SAMD7: variants seen among roughly 807,000 people sequenced by gnomAD.
The protein encoded by SAMD7 is sterile alpha motif domain containing 7, also known as sterile alpha motif domain-containing protein 7.
SAMD7 carries 34 observed loss-of-function variants against 36.7 expected under a neutral mutation model. The ratio of observed to expected loss-of-function variants is 0.93; its 90% CI spans 0.71 to 1.23. SAMD7 has a LOEUF of 1.23. SAMD7 is among the 50% of genes most tolerant of loss of function. SAMD7 has a pLI of 0.00. For synonymous variants in SAMD7, 188 were observed against 189.7 expected (o/e 0.99, Z 0.07); for missense variants, 570 against 546.6 (o/e 1.04, Z -0.43).
At chr3:169,914,828 T>A (rs1394171410) in intron 1 of SAMD7, among the ~76,000 whole-genome samples, 1 of 152,184 alleles carries the variant, frequency 6.6e-6, no homozygotes, top group Non-Finnish European at 1.5e-5. Context: ...CATATAGATA[T>A]GCCTAAGCCT....
chr3:169,919,473 G>T lies in SAMD7; in HGVS notation c.-26G>T. ...TTCTTTTTAGAACTCCATTAGTGGCGAGAGATATTGAAGACAAACCCGGTG... is the reference window on the plus strand; with the variant it reads ...TTCTTTTTAGAACTCCATTAGTGGCTAGAGATATTGAAGACAAACCCGGTG... On this transcript the variant is annotated 5_prime_UTR_variant, in exon 3 of 9. Transcript: ENST00000335556. 3 of 1,587,448 alleles carry T rather than the reference G, an allele frequency of 1.9e-6. No individual in the cohort carries two copies. Among genetic ancestry groups the T allele is most frequent in the Non-Finnish European group, 2.6e-6 (3 of 1,155,676 alleles).
intron 8 of SAMD7, among the ~76,000 whole-genome samples, chr3:169,937,909 T>C (rs1713780847): frequency 6.6e-6 from 1 of 152,202 alleles, no homozygotes; most frequent in Non-Finnish European, 1.5e-5. Context: ...AAAGTGGTCC[T>C]TTTAATATGT....
intron 7 of SAMD7, among the ~76,000 whole-genome samples, chr3:169,933,982 G>A (rs1469640781): frequency 6.6e-6 from 1 of 152,234 alleles, no homozygotes; most frequent in South Asian, 2.1e-4. Flanking sequence ...ATTTCCAGGT[G>A]AGGGCCAGAG....
In SAMD7 at chr3:169,911,691, C is replaced by A. The variant is rs1050164352; in HGVS notation, c.-247C>A. The A allele has an allele frequency of 1.6e-4, 24 of 152,178 alleles. No individual in the cohort carries two copies. The highest frequency in any genetic ancestry group is 5.3e-4 in the African/African-American group (22 of 41,444). 9.4% of individuals were successfully genotyped at this position (152,178 alleles called of 1,614,324 possible). The stretch of plus-strand genomic sequence containing the variant: ...AAAGCAAGGTTAAACTGAATTAAGA[C>A]CATTTTTGAAAGAATTGTCAGATGT... On this transcript the variant is annotated 5_prime_UTR_variant, in exon 1 of 9. Coordinates refer to ENST00000335556, the MANE Select transcript of SAMD7 (RefSeq NM_001304366.2).
At chr3:169,922,878 A>G (rs1576830294) in intron 4 of SAMD7, among the ~76,000 whole-genome samples, 1 of 152,224 alleles carries the variant, frequency 6.6e-6, no homozygotes, top group Admixed American at 6.5e-5. Flanking sequence ...AACTGTGTCA[A>G]GTGTGCCATC....
At position 169,932,337 on chromosome 3, in the gene SAMD7, C is replaced by A. The variant is rs967911276; in HGVS notation, c.1041+3759C>A. 1.3e-5 allele frequency: 9 copies of A among 688,090 alleles called. No homozygotes were observed. The Middle Eastern group carries it at 9.6e-4, about 73-fold the overall frequency. The allele number at this position is 688,090 out of a possible 1,614,324, so 42.6% of individuals were successfully genotyped here. A position where few individuals can be genotyped will look rare whatever the true frequency, so the allele number is the denominator to read the frequency against. The stretch of plus-strand genomic sequence containing the variant: ...GTTATAAAGGGACACAGCTGAAAGC[C>A]TTACTGATCCTTGAAAGGGAACAGA... On this transcript the variant is annotated intron_variant, in intron 7 of 8. Coordinates refer to ENST00000335556, the MANE Select transcript of SAMD7 (RefSeq NM_001304366.2).
chr3:169,927,105 G>A lies in SAMD7; in HGVS notation c.843G>A (p.Glu281=). ...KAKAWDDGKE[E]ASEQIFATCD... ...AGGCCTGGGACGATGGGAAAGAGGA[G>A]GCTTCGGAGCAGATTTTTGCAACCT... The change falls in exon 6 of 9, where the codon GAG becomes GAA. Residue 281 remains glutamate, a synonymous_variant. Coordinates refer to ENST00000335556, the MANE Select transcript of SAMD7 (RefSeq NM_001304366.2). 3 of 1,590,308 alleles carry A rather than the reference G, an allele frequency of 1.9e-6. No homozygotes were observed. Among genetic ancestry groups the A allele is most frequent in the South Asian group, 2.3e-5 (2 of 87,956 alleles).
intron 5 of SAMD7, among the ~76,000 whole-genome samples, 188 bp downstream of exon 5, chr3:169,925,324 G>A (rs1713213828): frequency 6.6e-6 from 1 of 151,758 alleles, no homozygotes; most frequent in African/African-American, 2.4e-5. Context: ...CTATGGGGTA[G>A]CCATTCTCTA....
intron 1 of SAMD7, among the ~76,000 whole-genome samples, chr3:169,913,282 G>A (rs1258977917): frequency 6.6e-6 from 1 of 152,054 alleles, no homozygotes; most frequent in Non-Finnish European, 1.5e-5. Flanking sequence ...GTCAAATATA[G>A]GGTTTTCCAA....
At chr3:169,918,675 G>A (rs1011980489) in intron 2 of SAMD7, among the ~76,000 whole-genome samples, 1 of 152,232 alleles carries the variant, frequency 6.6e-6, no homozygotes, top group East Asian at 1.9e-4. Flanking sequence ...ATACAGTCTC[G>A]TGCAGTCTGT....
At position 169,917,150 on chromosome 3, in the gene SAMD7, C is replaced by G. The variant is rs564847298; in HGVS notation, c.-42+1709C>G. ...AAGGTGATGTTAGGTGATCCATGGACTTGGATTTCCAATTTGATTAGTGGG... is the reference window on the plus strand; with the variant it reads ...AAGGTGATGTTAGGTGATCCATGGAGTTGGATTTCCAATTTGATTAGTGGG... On this transcript the variant is annotated intron_variant, in intron 2 of 8. Coordinates refer to ENST00000335556, the MANE Select transcript of SAMD7 (RefSeq NM_001304366.2). 3.3e-5 allele frequency among the ~76,000 whole-genome samples: 5 copies of G among 152,334 alleles called. No individual in the cohort carries two copies. In the East Asian group the frequency reaches 9.6e-4, roughly 29 times the overall value.
chr3:169,926,784 G>A lies in SAMD7; in HGVS notation c.522G>A (p.Glu174=), dbSNP rs775170068. 2 of 1,613,894 alleles carry A rather than the reference G, an allele frequency of 1.2e-6. No individual in the cohort carries two copies. Among genetic ancestry groups the A allele is most frequent in the Non-Finnish European group, 1.7e-6 (2 of 1,179,972 alleles). Residue 174 remains glutamate, a synonymous_variant, in exon 6 of 9, where the codon GAG becomes GAA. Transcript: ENST00000335556. ...PMLAATAPHF[E]ESWGQRCRRL... is the part of the protein sequence containing the mutation. ...TAGCGGCAACTGCACCACACTTTGA[G>A]GAGAGCTGGGGGCAGAGATGTCGTC...
chr3:169,925,684 C>G (rs1713229893), intron 5 of SAMD7, among the ~76,000 whole-genome samples: 1 of 152,174 alleles, frequency 6.6e-6, no homozygotes, highest in Non-Finnish European at 1.5e-5. Context: ...CGAGATTGCA[C>G]CACTGTGCTC....
intron 1 of SAMD7, 44 bp downstream of exon 1, chr3:169,911,865 C>G (rs2108251814): frequency 6.6e-6 from 1 of 152,246 alleles, no homozygotes; most frequent in East Asian, 1.9e-4. Context: ...AAATTGAGGC[C>G]AGTTACTCTG....
At chr3:169,915,970 C>T (rs1484177456) in intron 2 of SAMD7, among the ~76,000 whole-genome samples, 1 of 152,150 alleles carries the variant, frequency 6.6e-6, no homozygotes, top group Admixed American at 6.5e-5. Flanking sequence ...TGAGTTTTGG[C>T]ATACGCATAA....
rs368721168 is a variant in SAMD7, at chr3:169,936,305, T to G, written c.1042-34T>G. The G allele has an allele frequency of 3.0e-6, 4 of 1,333,682 alleles. No individual in the cohort carries two copies. The African/African-American group carries it at 5.8e-5, about 19-fold the overall frequency. 82.6% of individuals were successfully genotyped at this position (1,333,682 alleles called of 1,614,324 possible). ...AAAGAACTTTTTCAAAAAAAGACAT[T>G]CAGACAGAGTTAACACCTTTTGTAT... On this transcript the variant is annotated intron_variant, in intron 7 of 8. Coordinates refer to ENST00000335556, the MANE Select transcript of SAMD7 (RefSeq NM_001304366.2).
At chr3:169,920,596 G>T (rs116332627) in intron 3 of SAMD7, among the ~76,000 whole-genome samples, 2,559 of 152,278 alleles carry the variant, frequency 0.017, 73 homozygotes, top group African/African-American at 0.058. Flanking sequence ...CGTGAAGAAA[G>T]AATTATTTCT....
intron 7 of SAMD7, chr3:169,932,995 A>G: frequency 1.4e-6 from 1 of 728,230 alleles, no homozygotes; most frequent in Non-Finnish European, 2.6e-6. Context: ...CCCCTCTATC[A>G]GTGTGGCATC....
chr3:169,917,503 G>A (rs1165796452), intron 2 of SAMD7, among the ~76,000 whole-genome samples: 1 of 151,954 alleles, frequency 6.6e-6, no homozygotes, highest in East Asian at 1.9e-4. Flanking sequence ...ATTTTGATAT[G>A]GGAATACAGT....
Sources: allele counts gnomAD v4.1 joint callset (sites outside exome capture counted in the v4.1 genomes callset), GRCh38; gene constraint gnomAD v4.1.1; transcripts MANE v1.5; gene names NCBI Gene and HGNC (gene_info 2026-07-23, HGNC 2026-07-21).